CTNNA2: variants seen among roughly 807,000 people sequenced by gnomAD.
CTNNA2 encodes catenin alpha 2, also known as catenin alpha-2.
Under a neutral mutation model 101.0 loss-of-function variants are expected in CTNNA2, and 42 were observed. That is an observed-to-expected ratio of 0.42 (90% CI 0.32 to 0.54). The LOEUF is 0.54. CTNNA2 is among the 20% of genes least tolerant of loss of function. The pLI is 0.14. For synonymous variants in CTNNA2, 450 were observed against 456.4 expected (o/e 0.99, Z 0.18); for missense variants, 871 against 1,223.1 (o/e 0.71, Z 4.29).
chr2:79,315,240 T>C (rs72917271), intron 3 of CTNNA2, among the ~76,000 whole-genome samples: 13,833 of 152,262 alleles, frequency 0.091, 666 homozygotes, highest in African/African-American at 0.12. Flanking sequence ...TGTTAATAGA[T>C]TTATTGAGAT....
At chr2:79,819,198 T>C (rs577700285) in intron 3 of CTNNA2, among the ~76,000 whole-genome samples, 71 of 151,930 alleles carry the variant, frequency 4.7e-4, no homozygotes, top group Admixed American at 9.8e-4. Context: ...AGGCTAGTCT[T>C]GAACTCCCGA....
At chr2:79,600,377 C>A (rs1677473664) in intron 1 of CTNNA2, among the ~76,000 whole-genome samples, 1 of 151,826 alleles carries the variant, frequency 6.6e-6, no homozygotes, top group Non-Finnish European at 1.5e-5. Flanking sequence ...AGGGTTTCGC[C>A]CTGTTGACTA....
At chr2:80,043,085 TTCTTTCTTTC>T (rs1446840233) in intron 7 of CTNNA2, among the ~76,000 whole-genome samples, 46 of 39,290 alleles carry the variant, frequency 1.2e-3, no homozygotes, top group African/African-American at 4.7e-3. Flanking sequence ...CTTTCTTTCT[TTCTTTCTTTC>T]TCTCTCTCTC....
intron 7 of CTNNA2, among the ~76,000 whole-genome samples, chr2:79,954,003 T>A (rs1689053579): frequency 6.6e-6 from 1 of 152,150 alleles, no homozygotes; most frequent in Non-Finnish European, 1.5e-5. Flanking sequence ...AAGGGCTAAT[T>A]TATAAAGGAA....
At chr2:79,463,138 G>A (rs142843053) in intron 4 of CTNNA2, among the ~76,000 whole-genome samples, 199 of 152,246 alleles carry the variant, frequency 1.3e-3, no homozygotes, top group Non-Finnish European at 2.1e-3. Context: ...TTGGCTGGGC[G>A]CAGTGGCTCA....
chr2:79,713,345 C>T (rs1011889912), intron 2 of CTNNA2, among the ~76,000 whole-genome samples: 6 of 152,154 alleles, frequency 3.9e-5, no homozygotes, highest in African/African-American at 1.4e-4. Context: ...ACTCGGGAGG[C>T]TGAGGTGGGA....
At chr2:80,114,886 A>G (rs909348742) in intron 7 of CTNNA2, among the ~76,000 whole-genome samples, 1 of 152,140 alleles carries the variant, frequency 6.6e-6, no homozygotes, top group African/African-American at 2.4e-5. Flanking sequence ...ATCTTACTCC[A>G]AGAAACCTTG....
intron 4 of CTNNA2, among the ~76,000 whole-genome samples, chr2:79,391,341 A>G (rs934200598): frequency 5.3e-5 from 8 of 152,086 alleles, no homozygotes; most frequent in Non-Finnish European, 1.2e-4. Flanking sequence ...ATCATGATCC[A>G]CTTCCACTTA....
At chr2:80,337,128 G>A (rs567993222) in intron 7 of CTNNA2, among the ~76,000 whole-genome samples, 4 of 152,206 alleles carry the variant, frequency 2.6e-5, no homozygotes, top group East Asian at 1.9e-4. Flanking sequence ...GGCCGAGGTG[G>A]GCAGATCACG....
At chr2:80,080,502 G>A (rs1699069035) in intron 7 of CTNNA2, among the ~76,000 whole-genome samples, 1 of 152,184 alleles carries the variant, frequency 6.6e-6, no homozygotes. Context: ...AACAGCCAGA[G>A]CTACAAAGCT....
At chr2:80,025,529 G>A (rs935508005) in intron 7 of CTNNA2, among the ~76,000 whole-genome samples, 5 of 152,168 alleles carry the variant, frequency 3.3e-5, no homozygotes, top group Non-Finnish European at 7.3e-5. Context: ...ATGAACTAGA[G>A]GAAAACAAGG....
intron 2 of CTNNA2, among the ~76,000 whole-genome samples, chr2:79,715,447 G>T (rs938481835): frequency 6.6e-5 from 10 of 152,028 alleles, no homozygotes; most frequent in Non-Finnish European, 1.0e-4. Flanking sequence ...AATGAATAAA[G>T]CTATTCAAAA....
chr2:80,092,137 T>C (rs1699827620), intron 7 of CTNNA2, among the ~76,000 whole-genome samples: 1 of 152,100 alleles, frequency 6.6e-6, no homozygotes, highest in Non-Finnish European at 1.5e-5. Context: ...GGGATTCCCT[T>C]TTAGTGGAGT....
At chr2:80,425,381 G>A (rs1269091239) in intron 9 of CTNNA2, among the ~76,000 whole-genome samples, 5 of 151,894 alleles carry the variant, frequency 3.3e-5, no homozygotes, top group East Asian at 1.9e-4. Context: ...GAAATTTTGC[G>A]ACTTACATAC....
intron 7 of CTNNA2, among the ~76,000 whole-genome samples, chr2:80,070,385 A>G (rs1037139901): frequency 6.6e-6 from 1 of 152,154 alleles, no homozygotes; most frequent in African/African-American, 2.4e-5. Flanking sequence ...TTGGTTGCAT[A>G]AAGCAACAGA....
At chr2:80,164,713 C>T (rs1704545569) in intron 7 of CTNNA2, among the ~76,000 whole-genome samples, 4 of 150,988 alleles carry the variant, frequency 2.6e-5, no homozygotes, top group Middle Eastern at 3.4e-3. Flanking sequence ...TTTAGAGAGC[C>T]GTCTTTAGCC....
chr2:80,272,766 A>C (rs1365102663), intron 7 of CTNNA2, among the ~76,000 whole-genome samples: 2 of 152,222 alleles, frequency 1.3e-5, no homozygotes, highest in Non-Finnish European at 2.9e-5. Flanking sequence ...CTTATGCTAA[A>C]AATAATTTAT....
At chr2:80,404,033 G>A (rs1346977506) in intron 8 of CTNNA2, among the ~76,000 whole-genome samples, 1 of 152,136 alleles carries the variant, frequency 6.6e-6, no homozygotes, top group African/African-American at 2.4e-5. Context: ...GAGGATTTTT[G>A]CATCGATATT....
intron 7 of CTNNA2, among the ~76,000 whole-genome samples, chr2:80,342,463 G>C (rs181804027): frequency 6.6e-6 from 1 of 152,172 alleles, no homozygotes; most frequent in Admixed American, 6.5e-5. Context: ...TGACAGTGTC[G>C]TCAGATTGGC....
Sources: gnomAD v4.1 joint callset for allele counts (sites outside exome capture counted in the v4.1 genomes callset) on GRCh38, gnomAD v4.1.1 for gene constraint, MANE v1.5 for transcripts, NCBI Gene and HGNC (gene_info 2026-07-23, HGNC 2026-07-21) for gene names.